Variants in TAFA2 observed in about 807,000 individuals in gnomAD.
TAFA2 encodes TAFA chemokine like family member 2.
TAFA2 carries 7 observed loss-of-function variants against 18.8 expected under a neutral mutation model. The observed-to-expected ratio is 0.37, with a 90% CI of 0.21 to 0.70. TAFA2 has a LOEUF of 0.70. Among genes scored for constraint, TAFA2 ranks in the 30% least tolerant of loss-of-function variants. The pLI is 0.53. For synonymous variants in TAFA2, 60 were observed against 54.2 expected (o/e 1.11, Z -0.47); for missense variants, 122 against 158.1 (o/e 0.77, Z 1.23).
Position 61,990,223 on chromosome 12 carries a change from T to A in TAFA2, c.-1-122797A>T, listed in dbSNP as rs1879955014. Among the ~76,000 whole-genome samples the A allele has an allele frequency of 2.0e-5, 3 of 152,202 alleles. No individual in the cohort carries two copies. The South Asian group carries it at 6.2e-4, about 32-fold the overall frequency. ...TGGATTAGCAGTCAGGAGTCTCAGCTTTCTATTACTGTTCTGTTCTTCCAA... is the reference window on the plus strand; with the variant it reads ...TGGATTAGCAGTCAGGAGTCTCAGCATTCTATTACTGTTCTGTTCTTCCAA... On this transcript the variant is annotated intron_variant, in intron 1 of 4. Coordinates refer to ENST00000416284, the MANE Select transcript of TAFA2 (RefSeq NM_178539.5).
chr12:61,992,459 C>T (rs778482027), intron 1 of TAFA2, among the ~76,000 whole-genome samples: 8 of 152,078 alleles, frequency 5.3e-5, no homozygotes, highest in Non-Finnish European at 1.2e-4. Flanking sequence ...ACCCTCTTTG[C>T]CTCTCACTTG....
At chr12:61,758,931 A>G (rs559499587) in intron 2 of TAFA2, among the ~76,000 whole-genome samples, 1 of 152,110 alleles carries the variant, frequency 6.6e-6, no homozygotes, top group East Asian at 1.9e-4. Flanking sequence ...CAGTAGGCAG[A>G]TCACTAAGGT....
chr12:61,934,007 A>G (rs1877665054), intron 1 of TAFA2, among the ~76,000 whole-genome samples: 1 of 152,242 alleles, frequency 6.6e-6, no homozygotes, highest in Non-Finnish European at 1.5e-5. Flanking sequence ...TATTTCAGAA[A>G]GGTTAAGTGA....
In TAFA2 at chr12:61,813,845, CT is replaced by C. The variant is rs1403679215; in HGVS notation, c.106+53474del. Among the ~76,000 whole-genome samples, 3 of 151,430 alleles carry C rather than the reference CT, an allele frequency of 2.0e-5. 1 individual carries two copies. The highest frequency in any genetic ancestry group is 7.4e-5 in the African/African-American group (3 of 40,728). On this transcript the variant is annotated intron_variant, in intron 2 of 4. Coordinates refer to ENST00000416284, the MANE Select transcript of TAFA2 (RefSeq NM_178539.5). ...AAATGCAGGTAAGAAATGTACCTATCTCATACTGTTGTGAAGCTTAGACAAA... is the reference window on the plus strand; with the variant it reads ...AAATGCAGGTAAGAAATGTACCTATCCATACTGTTGTGAAGCTTAGACAAA...
At chr12:61,737,265 A>G (rs1377744570) in intron 4 of TAFA2, among the ~76,000 whole-genome samples, 1 of 151,904 alleles carries the variant, frequency 6.6e-6, no homozygotes, top group African/African-American at 2.4e-5. Context: ...TTAAAGAAAA[A>G]TTATATTATA....
intron 1 of TAFA2, among the ~76,000 whole-genome samples, chr12:62,046,450 A>AC (rs1380860989): frequency 3.3e-5 from 5 of 152,142 alleles, no homozygotes; most frequent in African/African-American, 1.2e-4. Context: ...TGCTAAAGAA[A>AC]AAAAAAACGA....
In TAFA2 at chr12:62,202,051, C is replaced by T. The variant is rs148391763; in HGVS notation, c.-130+56712G>A. Among the ~76,000 whole-genome samples, 164 of 152,092 alleles carry T rather than the reference C, an allele frequency of 1.1e-3. 1 individual carries two copies. Among genetic ancestry groups the T allele is most frequent in the Admixed American group, 1.8e-3 (27 of 15,268 alleles). ...TAGATGTGTTTATAGTATTCTCTGACGGCTGTTTGTATTTCTGTGGGGTCA... is the reference window on the plus strand; with the variant it reads ...TAGATGTGTTTATAGTATTCTCTGATGGCTGTTTGTATTTCTGTGGGGTCA... On this transcript the variant is annotated intron_variant, in intron 1 of 5. Transcript: ENST00000551619.
intron 1 of TAFA2, among the ~76,000 whole-genome samples, chr12:62,202,821 CTTTTTTTTTT>C (rs71083986): frequency 3.2e-5 from 2 of 61,626 alleles, no homozygotes; most frequent in African/African-American, 1.2e-4. Flanking sequence ...CTGTGTGGTT[CTTTTTTTTTT>C]TTTTTTTTTT....
intron 1 of TAFA2, among the ~76,000 whole-genome samples, chr12:61,992,143 G>A (rs1323140641): frequency 6.6e-6 from 1 of 152,092 alleles, no homozygotes; most frequent in Non-Finnish European, 1.5e-5. Flanking sequence ...ATTTGTATTT[G>A]CAGATCATTC....
intron 1 of TAFA2, among the ~76,000 whole-genome samples, chr12:62,043,661 G>A (rs564191328): frequency 6.6e-6 from 1 of 152,074 alleles, no homozygotes; most frequent in East Asian, 1.9e-4. Context: ...TGAATCTCAA[G>A]TATTAATTAA....
At chr12:61,841,711 GTATTA>G (rs1182364649) in intron 2 of TAFA2, among the ~76,000 whole-genome samples, 1 of 151,942 alleles carries the variant, frequency 6.6e-6, no homozygotes, top group Admixed American at 6.6e-5. Flanking sequence ...GAATTGCATT[GTATTA>G]TATATTTCAA....
At chr12:62,201,772 G>T (rs565610111) in intron 1 of TAFA2, among the ~76,000 whole-genome samples, 1 of 152,176 alleles carries the variant, frequency 6.6e-6, no homozygotes, top group Non-Finnish European at 1.5e-5. Flanking sequence ...GTTGGGAGGG[G>T]TCTCTCCTTT....
chr12:61,839,456 TTTA>T (rs1220994932), intron 2 of TAFA2, among the ~76,000 whole-genome samples: 5 of 152,052 alleles, frequency 3.3e-5, no homozygotes, highest in Non-Finnish European at 1.5e-5. Flanking sequence ...CCCTTGCATG[TTTA>T]TCATAACACT....
chr12:62,031,837 A>G (rs76371503), intron 1 of TAFA2, among the ~76,000 whole-genome samples: 10,439 of 152,236 alleles, frequency 0.069, 464 homozygotes, highest in Non-Finnish European at 0.11. Flanking sequence ...ATGGTGGCCT[A>G]CTTTATTGTT....
chr12:61,885,309 T>C (rs562989113), intron 1 of TAFA2, among the ~76,000 whole-genome samples: 3 of 152,330 alleles, frequency 2.0e-5, no homozygotes, highest in African/African-American at 7.2e-5. Context: ...GAAGGAGTTC[T>C]TGGCATTCAC....
chr12:62,069,424 G>A, intron 1 of TAFA2, among the ~76,000 whole-genome samples: 1 of 152,122 alleles, frequency 6.6e-6, no homozygotes, highest in Non-Finnish European at 1.5e-5. Context: ...AGAGCATGCT[G>A]AACTACAGCT....
At chr12:62,195,109 T>C (rs914488250), upstream of TAFA2, among the ~76,000 whole-genome samples, 4 of 152,162 alleles carry the variant, frequency 2.6e-5, no homozygotes, top group African/African-American at 9.7e-5. Context: ...AATAAGACAA[T>C]AATGAGGTTT....
chr12:61,856,541 T>C (rs540691916), intron 2 of TAFA2, among the ~76,000 whole-genome samples: 45 of 152,080 alleles, frequency 3.0e-4, no homozygotes, highest in Non-Finnish European at 5.7e-4. Context: ...AGAACATAAA[T>C]TGAGAGGTTT....
intron 2 of TAFA2, among the ~76,000 whole-genome samples, chr12:61,755,427 G>C (rs10877734): frequency 0.31 from 47,281 of 151,980 alleles, 7,562 homozygotes; most frequent in South Asian, 0.38. Flanking sequence ...TTCTCAAAGT[G>C]GGTGGTTGCT....
Sources: gnomAD v4.1 joint callset for allele counts (sites outside exome capture counted in the v4.1 genomes callset) on GRCh38, gnomAD v4.1.1 for gene constraint, MANE v1.5 for transcripts, NCBI Gene and HGNC (gene_info 2026-07-23, HGNC 2026-07-21) for gene names.